The following DOCK9 variants were observed in gnomAD, a reference collection of about 807,000 sequenced individuals.
DOCK9 encodes the protein dedicator of cytokinesis protein 9.
DOCK9 carries 89 observed loss-of-function variants against 263.3 expected under a neutral mutation model. The ratio of observed to expected loss-of-function variants is 0.34; its 90% confidence interval spans 0.28 to 0.40. The LOEUF is 0.40. Ranked by LOEUF, DOCK9 falls within the 10% of genes least tolerant of loss-of-function variation. The pLI is 1.00. For synonymous variants in DOCK9, 976 were observed against 973.1 expected, an observed-to-expected ratio of 1.00 and a Z score of -0.06; for missense variants, 2,140 against 2,603.4, an observed-to-expected ratio of 0.82 and a Z score of 3.87.
intron 1 of DOCK9, among the ~76,000 whole-genome samples, chr13:99,059,281 G>A (rs2041073385): frequency 6.6e-6 from 1 of 152,172 alleles, no homozygotes; most frequent in African/African-American, 2.4e-5. Context: ...ACCTCAATGG[G>A]CCTGTTCCAG....
chr13:98,865,145 C>T (rs530806637), intron 30 of DOCK9, among the ~76,000 whole-genome samples: 2 of 152,316 alleles, frequency 1.3e-5, no homozygotes, highest in South Asian at 4.1e-4. Flanking sequence ...GATTTCACTG[C>T]AATCTCTGCC....
rs972854734 is a variant in DOCK9, at chr13:98,817,231, G to A, written c.5131-6940C>T. Reference sequence around the variant, plus strand: ...TGTTTTTAACTGATAGACTAAGATTGGGGTTTTTTGTTTGTTTGTTTGTTT... The same window carrying A: ...TGTTTTTAACTGATAGACTAAGATTAGGGTTTTTTGTTTGTTTGTTTGTTT... On this transcript the variant is annotated intron_variant, in intron 45 of 52. Transcript: ENST00000682017. 3.4e-4 allele frequency among the ~76,000 whole-genome samples: 51 copies of A among 152,070 alleles called. 1 individual carries two copies. Among genetic ancestry groups the A allele is most frequent in the Non-Finnish European group, 1.5e-5 (1 of 68,008 alleles).
chr13:98,865,419 C>G (rs1188905736), intron 30 of DOCK9, among the ~76,000 whole-genome samples: 1 of 151,910 alleles, frequency 6.6e-6, no homozygotes, highest in Non-Finnish European at 1.5e-5. Context: ...TTATAGCACA[C>G]GAATAGACTA....
At chr13:99,007,701 C>A (rs1237610594) in intron 1 of DOCK9, among the ~76,000 whole-genome samples, 3 of 152,152 alleles carry the variant, frequency 2.0e-5, no homozygotes, top group African/African-American at 7.2e-5. Context: ...GAAGCAGAGG[C>A]AAAATTAGTG....
At chr13:99,048,946 T>C (rs1181288959) in intron 1 of DOCK9, among the ~76,000 whole-genome samples, 1 of 152,206 alleles carries the variant, frequency 6.6e-6, no homozygotes, top group Non-Finnish European at 1.5e-5. Context: ...ATAATGAATA[T>C]AATAATAATA....
intron 1 of DOCK9, among the ~76,000 whole-genome samples, chr13:99,079,431 G>T (rs2042039103): frequency 6.6e-6 from 1 of 152,152 alleles, no homozygotes; most frequent in South Asian, 2.1e-4. Flanking sequence ...GCATTCTAGG[G>T]CATCATAGGT....
At chr13:98,796,649 C>G (rs2089449665) in intron 52 of DOCK9, among the ~76,000 whole-genome samples, 2 of 152,114 alleles carry the variant, frequency 1.3e-5, no homozygotes, top group Non-Finnish European at 2.9e-5. Flanking sequence ...GCGCCAAGGC[C>G]CACTGTACAT....
At chr13:98,806,413 C>T (rs1363094138) in intron 48 of DOCK9, among the ~76,000 whole-genome samples, 1 of 152,146 alleles carries the variant, frequency 6.6e-6, no homozygotes, top group East Asian at 1.9e-4. Context: ...CAATTTTGCA[C>T]ATTTTAATTG....
At chr13:99,081,896 T>C (rs2042134176) in intron 1 of DOCK9, among the ~76,000 whole-genome samples, 1 of 152,198 alleles carries the variant, frequency 6.6e-6, no homozygotes, top group Admixed American at 6.5e-5. Flanking sequence ...TAAATTACTT[T>C]TCCTACAGTT....
At chr13:98,808,559 A>G (rs2140193203) in intron 47 of DOCK9, 2 of 964,764 alleles carry the variant, frequency 2.1e-6, no homozygotes, top group South Asian at 1.5e-5. Context: ...GCATGAAACA[A>G]AAAACATCCA....
intron 1 of DOCK9, among the ~76,000 whole-genome samples, chr13:99,013,060 A>C (rs907999467): frequency 1.4e-4 from 22 of 152,274 alleles, no homozygotes; most frequent in African/African-American, 5.1e-4. Context: ...TGTTAGGAGA[A>C]GAGCAGTGAA....
At chr13:98,815,931 CATA>C (rs1458763265) in intron 45 of DOCK9, among the ~76,000 whole-genome samples, 1 of 152,106 alleles carries the variant, frequency 6.6e-6, no homozygotes, top group African/African-American at 2.4e-5. Flanking sequence ...CCAGTTATAG[CATA>C]ATAATAATCT....
chr13:98,908,316 G>A (rs2139677592), intron 9 of DOCK9, among the ~76,000 whole-genome samples: 1 of 152,212 alleles, frequency 6.6e-6, no homozygotes, highest in African/African-American at 2.4e-5. Context: ...ACGGTAACCT[G>A]GCAATGTTTA....
At chr13:98,894,164 C>T (rs1028682729) in intron 15 of DOCK9, among the ~76,000 whole-genome samples, 5 of 152,174 alleles carry the variant, frequency 3.3e-5, no homozygotes, top group Admixed American at 2.0e-4. Flanking sequence ...CCTGAGGAGC[C>T]GCCACTGTGG....
intron 9 of DOCK9, among the ~76,000 whole-genome samples, chr13:98,912,465 G>T (rs1340861221): frequency 1.3e-5 from 2 of 151,778 alleles, no homozygotes; most frequent in African/African-American, 4.8e-5. Context: ...AAGAAGCAGG[G>T]GTTGAAATCA....
At chr13:98,910,959 G>T (rs2049919494) in intron 9 of DOCK9, among the ~76,000 whole-genome samples, 1 of 151,528 alleles carries the variant, frequency 6.6e-6, no homozygotes, top group African/African-American at 2.4e-5. Context: ...CAACTTCTTT[G>T]CCTTCTCAAC....
chr13:98,973,851 C>T (rs575737976), intron 1 of DOCK9, among the ~76,000 whole-genome samples: 45 of 152,266 alleles, frequency 3.0e-4, no homozygotes, highest in Admixed American at 1.6e-3. Flanking sequence ...CCACCTTGGC[C>T]TCCTAAACTG....
intron 1 of DOCK9, among the ~76,000 whole-genome samples, chr13:99,011,632 T>C (rs1226534949): frequency 6.6e-6 from 1 of 152,214 alleles, no homozygotes; most frequent in Non-Finnish European, 1.5e-5. Flanking sequence ...GACAATCACC[T>C]AGGAACTTTA....
intron 3 of DOCK9, among the ~76,000 whole-genome samples, chr13:98,926,675 A>T (rs568774471): frequency 7.2e-5 from 11 of 152,244 alleles, no homozygotes; most frequent in Non-Finnish European, 1.6e-4. Context: ...ATCTTCAAAT[A>T]TGAATGAGTC....
Sources: allele counts gnomAD v4.1 joint callset (sites outside exome capture counted in the v4.1 genomes callset), GRCh38; gene constraint gnomAD v4.1.1; transcripts MANE v1.5; gene names NCBI Gene and HGNC (gene_info 2026-07-23, HGNC 2026-07-21).